The following SLC25A33 variants were observed in gnomAD, a reference collection of about 807,000 sequenced individuals.
SLC25A33 encodes solute carrier family 25 member 33.
In SLC25A33, 15 loss-of-function variants were observed where a neutral mutation model predicts 35.5. The ratio of observed to expected loss-of-function variants is 0.42; its 90% confidence interval spans 0.28 to 0.65. SLC25A33 has a LOEUF of 0.65. Ranked by LOEUF, SLC25A33 falls within the 30% of genes least tolerant of loss-of-function variation. SLC25A33 has a pLI of 0.20. For synonymous variants in SLC25A33, 136 were observed against 148.7 expected, an observed-to-expected ratio of 0.91 and a Z score of 0.62; for missense variants, 257 against 398.5, an observed-to-expected ratio of 0.64 and a Z score of 3.02.
intron 1 of SLC25A33, among the ~76,000 whole-genome samples, chr1:9,541,012 C>T (rs1203455966): frequency 6.6e-6 from 1 of 151,998 alleles, no homozygotes; most frequent in Non-Finnish European, 1.5e-5. Context: ...GGGAGTCTTC[C>T]TCTGTCGCCC....
chr1:9,564,963 T>C (rs1380359058), intron 2 of SLC25A33, among the ~76,000 whole-genome samples: 2 of 151,506 alleles, frequency 1.3e-5, no homozygotes, highest in Admixed American at 6.6e-5. Flanking sequence ...TTGTGACACA[T>C]GCTACAACAT....
intron 2 of SLC25A33, among the ~76,000 whole-genome samples, chr1:9,555,399 T>G (rs1643328424): frequency 6.6e-6 from 1 of 152,090 alleles, no homozygotes. Context: ...ATTACAGGCG[T>G]GAGCCACCGC....
chr1:9,560,472 G>A (rs146725903), intron 2 of SLC25A33, among the ~76,000 whole-genome samples: 3,096 of 151,964 alleles, frequency 0.02, 94 homozygotes, highest in African/African-American at 0.07. Context: ...GTTGAGGCAG[G>A]AGAATGGCAT....
chr1:9,545,691 G>A (rs1488765466), intron 1 of SLC25A33, among the ~76,000 whole-genome samples: 7 of 149,492 alleles, frequency 4.7e-5, no homozygotes, highest in South Asian at 4.4e-4. Context: ...GTGAGCCACC[G>A]CGCCCAGCCA....
chr1:9,583,276 C>T lies in SLC25A33; in HGVS notation c.*775C>T, dbSNP rs1274811927. Reference sequence around the variant, plus strand: ...GGTGTGTGGACCAGGACAAACTTCCCAGCAATTTTTCTTCTTTGTACATTT... The same window carrying T: ...GGTGTGTGGACCAGGACAAACTTCCTAGCAATTTTTCTTCTTTGTACATTT... On this transcript the variant is annotated 3_prime_UTR_variant, in exon 7 of 7. Coordinates refer to ENST00000302692, the MANE Select transcript of SLC25A33 (RefSeq NM_032315.3). 2 of 151,978 alleles carry T rather than the reference C, an allele frequency of 1.3e-5. No homozygotes were observed. The highest frequency in any genetic ancestry group is 6.6e-5 in the Admixed American group (1 of 15,234). The allele number at this position is 151,978 out of a possible 1,614,324, so 9.4% of individuals were successfully genotyped here.
chr1:9,559,053 G>A (rs1261901197), intron 2 of SLC25A33, among the ~76,000 whole-genome samples: 1 of 152,064 alleles, frequency 6.6e-6, no homozygotes, highest in Non-Finnish European at 1.5e-5. Flanking sequence ...CCACCGCAGG[G>A]TGTTTGCAGT....
intron 1 of SLC25A33, among the ~76,000 whole-genome samples, chr1:9,553,320 G>C: frequency 6.8e-6 from 1 of 146,292 alleles, no homozygotes; most frequent in East Asian, 2.0e-4. Flanking sequence ...TGCCTCCTGG[G>C]TTCACGCCAT....
intron 2 of SLC25A33, among the ~76,000 whole-genome samples, chr1:9,557,794 C>T (rs1467324097): frequency 6.6e-6 from 1 of 151,944 alleles, no homozygotes; most frequent in Non-Finnish European, 1.5e-5. Context: ...CACTTTTAGG[C>T]ACAATTTACG....
rs1196535015 is a variant in SLC25A33, at chr1:9,539,486, C to A, written c.-206C>A. 1 of 202,998 alleles carries A rather than the reference C, an allele frequency of 4.9e-6. No homozygotes were observed. The highest frequency in any genetic ancestry group is 2.4e-5 in the African/African-American group (1 of 42,468). The allele number at this position is 202,998 out of a possible 1,614,324, so 12.6% of individuals were successfully genotyped here. A position where few individuals can be genotyped will look rare whatever the true frequency, so the allele number is the denominator to read the frequency against. ...CTCTAGCTCCCCGCCGGGCTCGCGC[C>A]GCAGAGGCCGGTGAGGCGCCGGCGG... On this transcript the variant is annotated 5_prime_UTR_variant, in exon 1 of 7. Transcript: ENST00000302692.
At chr1:9,540,738 A>C (rs1014231105) in intron 1 of SLC25A33, among the ~76,000 whole-genome samples, 1 of 152,162 alleles carries the variant, frequency 6.6e-6, no homozygotes. Context: ...TCTTGGCTTG[A>C]GTAGTTGCAG....
chr1:9,553,205 T>G (rs1643292040), intron 1 of SLC25A33, among the ~76,000 whole-genome samples: 8 of 79,490 alleles, frequency 1.0e-4, no homozygotes, highest in African/African-American at 2.4e-4. Context: ...CTAGTTTTGT[T>G]TTTTTTTTTT....
At chr1:9,572,361 C>G (rs539087486) in intron 4 of SLC25A33, among the ~76,000 whole-genome samples, 14 of 152,098 alleles carry the variant, frequency 9.2e-5, no homozygotes, top group Non-Finnish European at 2.1e-4. Context: ...CCTGTAATCC[C>G]AGCACTTTGG....
chr1:9,571,645 T>A (rs1437114091), intron 4 of SLC25A33, among the ~76,000 whole-genome samples: 1 of 151,538 alleles, frequency 6.6e-6, no homozygotes, highest in Non-Finnish European at 1.5e-5. Context: ...TAATTGGTAT[T>A]GTTTTGTTTT....
intron 5 of SLC25A33, 111 bp downstream of exon 5, chr1:9,573,523 C>T (rs1227907077): frequency 7.0e-6 from 6 of 858,560 alleles, no homozygotes; most frequent in African/African-American, 1.7e-5. Flanking sequence ...CCCCCCTCCT[C>T]GTTTCCTTAA....
intron 1 of SLC25A33, among the ~76,000 whole-genome samples, chr1:9,552,854 C>T (rs1273583886): frequency 6.6e-6 from 1 of 151,826 alleles, no homozygotes; most frequent in African/African-American, 2.4e-5. Flanking sequence ...AATGGAAAGC[C>T]CCAAAGGATG....
intron 2 of SLC25A33, among the ~76,000 whole-genome samples, chr1:9,564,737 AAAATATAT>A (rs1374640141): frequency 6.9e-5 from 5 of 72,760 alleles, no homozygotes; most frequent in East Asian, 1.6e-3. Flanking sequence ...AAAAAAAAAA[AAAATATAT>A]ATATATATAT....
At position 9,546,479 on chromosome 1, in the gene SLC25A33, C is replaced by T. The variant is rs145496995; in HGVS notation, c.56+6732C>T. Reference sequence around the variant, plus strand: ...GATTACAGGCGTGAGCCACCGCACCCGGCCCCACAGAGAATTTTCTCTGCA... The same window carrying T: ...GATTACAGGCGTGAGCCACCGCACCTGGCCCCACAGAGAATTTTCTCTGCA... On this transcript the variant is annotated intron_variant, in intron 1 of 6. Transcript: ENST00000302692. Among the ~76,000 whole-genome samples, 158 of 152,148 alleles carry T rather than the reference C, an allele frequency of 1.0e-3. 1 individual carries two copies. In the East Asian group the frequency reaches 0.024, roughly 23 times the overall value.
rs548760631 is a variant in SLC25A33 at position 9,565,667 on chromosome 1, G to A, written c.237-1617G>A. Among the ~76,000 whole-genome samples, 18 of 149,402 alleles carry A rather than the reference G, an allele frequency of 1.2e-4. 1 individual carries two copies. The South Asian group carries it at 3.6e-3, about 30-fold the overall frequency. ...GCCAAGGCAGGCGGATCATCAGGTC[G>A]GGAGATTGAGACCATCCTGGCTAAT... On this transcript the variant is annotated intron_variant, in intron 2 of 6. Coordinates refer to ENST00000302692, the MANE Select transcript of SLC25A33 (RefSeq NM_032315.3).
intron 1 of SLC25A33, among the ~76,000 whole-genome samples, chr1:9,543,650 T>A (rs1643126736): frequency 6.6e-6 from 1 of 152,182 alleles, no homozygotes; most frequent in South Asian, 2.1e-4. Context: ...ACAGTGCCCA[T>A]TTAGATCTAC....
Sources: gnomAD v4.1 joint callset for allele counts (sites outside exome capture counted in the v4.1 genomes callset) on GRCh38, gnomAD v4.1.1 for gene constraint, MANE v1.5 for transcripts, NCBI Gene and HGNC (gene_info 2026-07-23, HGNC 2026-07-21) for gene names.